The following ACSL4 variants were observed in gnomAD, a reference collection of about 807,000 sequenced individuals.
ACSL4 encodes the protein acyl-CoA synthetase long chain family member 4.
A neutral mutation model predicts 49.1 loss-of-function variants in ACSL4; 9 were observed. The observed-to-expected ratio is 0.18, with a 90% CI of 0.11 to 0.32. ACSL4 has a LOEUF of 0.32. Ranked by LOEUF, ACSL4 falls within the 10% of genes least tolerant of loss-of-function variation. ACSL4 has a pLI of 1.00. For missense variants in ACSL4, 333 were observed against 493.7 expected (o/e 0.67, Z 3.08); for synonymous variants, 191 against 170.3 (o/e 1.12, Z -0.95).
chrX:109,657,356 ATCCC>A (rs1921753800), intron 15 of ACSL4, among the ~76,000 whole-genome samples: 1 of 109,803 alleles, frequency 9.1e-6, no homozygotes, highest in South Asian at 3.9e-4. Flanking sequence ...TCCTAATGCT[ATCCC>A]TCCCCCGTCC....
intron 15 of ACSL4, among the ~76,000 whole-genome samples, chrX:109,645,664 T>C (rs1215520206): frequency 8.9e-6 from 1 of 112,472 alleles, no homozygotes; most frequent in Non-Finnish European, 1.9e-5. Flanking sequence ...GGAACAAAGC[T>C]GGACGGAGAA....
intron 9 of ACSL4, among the ~76,000 whole-genome samples, chrX:109,672,938 T>C (rs1923386497): frequency 9.0e-6 from 1 of 110,741 alleles, no homozygotes; most frequent in Non-Finnish European, 1.9e-5. Context: ...CTTTCTGCCC[T>C]CTGATCTCTC....
intron 1 of ACSL4, among the ~76,000 whole-genome samples, chrX:109,725,505 A>G (rs1927906987): frequency 9.0e-6 from 1 of 111,401 alleles, no homozygotes; most frequent in Non-Finnish European, 1.9e-5. Context: ...GCTCACACCT[A>G]TAACCCCAGC....
chrX:109,665,312 C>G lies in ACSL4; in HGVS notation c.1390+108G>C, dbSNP rs183331658. ...TGCATGGGGACAGGCAACAGCAAAA[C>G]AGCAGAGAATTATTTGCTTCCCCAG... On this transcript the variant is annotated intron_variant, in intron 12 of 15. Coordinates refer to ENST00000672401, the MANE Select transcript of ACSL4 (RefSeq NM_001318510.2). 1.3e-4 allele frequency: 94 copies of G among 706,513 alleles called. No individual in the cohort carries two copies. The African/African-American group carries it at 1.6e-3, about 12-fold the overall frequency. 58.2% of individuals were successfully genotyped at this position (706,513 alleles called of 1,213,427 possible). A position where few individuals can be genotyped will look rare whatever the true frequency, so the allele number is the denominator to read the frequency against.
chrX:109,721,346 C>T (rs1005823608), intron 1 of ACSL4, among the ~76,000 whole-genome samples: 4 of 112,073 alleles, frequency 3.6e-5, no homozygotes, highest in African/African-American at 1.3e-4. Context: ...TTCAGGTATT[C>T]CCCAGGAGAG....
rs1467540199 is a variant in ACSL4 at position 109,641,821 on chromosome X, A to C, written c.*2208T>G. Reference sequence around the variant, plus strand: ...ACTTAGAAATGTACATATTGTAGTAAATTTTTAAAGTACAACTTTAGTTGA... The same window carrying C: ...ACTTAGAAATGTACATATTGTAGTACATTTTTAAAGTACAACTTTAGTTGA... On this transcript the variant is annotated 3_prime_UTR_variant, in exon 16 of 16. Transcript: ENST00000672401. The C allele has an allele frequency of 7.1e-5, 8 of 112,872 alleles. No homozygotes were observed. The highest frequency in any genetic ancestry group is 2.3e-4 in the African/African-American group (7 of 31,084). 9.3% of individuals were successfully genotyped at this position (112,872 alleles called of 1,213,427 possible). A position where few individuals can be genotyped will look rare whatever the true frequency, so the allele number is the denominator to read the frequency against.
intron 1 of ACSL4, among the ~76,000 whole-genome samples, chrX:109,732,656 G>C (rs1165389256): frequency 2.7e-5 from 3 of 111,629 alleles, no homozygotes; most frequent in Admixed American, 1.9e-4. Flanking sequence ...CCTCAAATTC[G>C]AGAGGGCGGA....
chrX:109,646,832 C>T (rs1934733711), intron 15 of ACSL4, among the ~76,000 whole-genome samples: 3 of 110,138 alleles, frequency 2.7e-5, no homozygotes, highest in Admixed American at 9.7e-5. Flanking sequence ...GGAAGATCTA[C>T]CAAGCAAATG....
intron 2 of ACSL4, among the ~76,000 whole-genome samples, chrX:109,692,982 C>CA (rs1364030023): frequency 2.1e-4 from 23 of 111,084 alleles, no homozygotes; most frequent in African/African-American, 7.5e-4. Flanking sequence ...GTGTAGGTTC[C>CA]AAAAAAGTCT....
intron 1 of ACSL4, among the ~76,000 whole-genome samples, chrX:109,713,683 TA>T (rs1311918396): frequency 1.8e-5 from 2 of 111,674 alleles, no homozygotes; most frequent in African/African-American, 6.5e-5. Context: ...TCTCATTTGT[TA>T]GGGGGGAAAA....
chrX:109,719,787 A>G (rs959873752), intron 1 of ACSL4, among the ~76,000 whole-genome samples: 1 of 110,817 alleles, frequency 9.0e-6, no homozygotes, highest in Non-Finnish European at 1.9e-5. Context: ...GGAGTTCGGG[A>G]GTTCGAGACC....
Position 109,663,338 on chromosome X carries a change from G to A in ACSL4, c.1455C>T (p.Ile485=). 8.3e-7 allele frequency: 1 copy of A among 1,209,766 alleles called. No homozygotes were observed. The highest frequency in any genetic ancestry group is 1.1e-6 in the Non-Finnish European group (1 of 893,801). Reference sequence around the variant, plus strand: ...CTTCATTTTTAAAATATCCCATGGAGATGTTCTGTCCACCAATTACGATTT... The same window carrying A: ...CTTCATTTTTAAAATATCCCATGGAAATGTTCTGTCCACCAATTACGATTT... ...RGEIVIGGQN[I]SMGYFKNEEK... is the part of the protein sequence containing the mutation. Residue 485 remains isoleucine, a synonymous_variant, in exon 13 of 16, where the codon ATC becomes ATT. Coordinates refer to ENST00000672401, the MANE Select transcript of ACSL4 (RefSeq NM_001318510.2).
At chrX:109,708,028 TC>T (rs1926489330) in intron 1 of ACSL4, among the ~76,000 whole-genome samples, 1 of 111,676 alleles carries the variant, frequency 9.0e-6, no homozygotes, top group Non-Finnish European at 1.9e-5. Context: ...CACTGCAGCC[TC>T]GACCTCTTGG....
chrX:109,665,869 T>C (rs779673648), intron 11 of ACSL4, among the ~76,000 whole-genome samples: 1 of 111,813 alleles, frequency 8.9e-6, no homozygotes, highest in South Asian at 3.8e-4. Context: ...TTTCCTCATC[T>C]ATGAAATGGA....
intron 2 of ACSL4, among the ~76,000 whole-genome samples, chrX:109,694,340 C>T (rs1925262999): frequency 8.9e-6 from 1 of 112,294 alleles, no homozygotes; most frequent in Non-Finnish European, 1.9e-5. Context: ...ACCAGAAGTT[C>T]TAGAGAGACA....
intron 1 of ACSL4, among the ~76,000 whole-genome samples, chrX:109,699,428 T>C (rs1603408979): frequency 1.8e-5 from 2 of 112,486 alleles, no homozygotes; most frequent in East Asian, 5.5e-4. Context: ...CCAAGTCCTT[T>C]TCAAAACAAT....
chrX:109,674,419 G>T lies in ACSL4; in HGVS notation c.985C>A (p.Leu329Ile). The T allele has an allele frequency of 8.3e-7, 1 of 1,206,560 alleles. No individual in the cohort carries two copies. Among genetic ancestry groups the T allele is most frequent in the Non-Finnish European group, 1.1e-6 (1 of 890,617 alleles). The change falls in exon 9 of 16, where the codon CTT becomes ATT. Residue 329 changes from leucine to isoleucine, a missense_variant. Physicochemically the swap from Leu to Ile is conservative, Grantham distance 5 (BLOSUM62 2). This residue lies in a region of ACSL4 where 175 missense variants were observed against 275.8 expected (regional missense o/e 0.63). Transcript: ENST00000672401. ...GTACTCACCGGAACAGCAGCCATAA[G>T]TGTGGGCTTCAGTACAGTACAGTCT... ...KGDCTVLKPT[L>I]MAAVPEIMDR...
chrX:109,719,938 A>G (rs1049525874), intron 1 of ACSL4, among the ~76,000 whole-genome samples: 2 of 110,989 alleles, frequency 1.8e-5, no homozygotes, highest in African/African-American at 6.6e-5. Flanking sequence ...GGTTGAGATG[A>G]GCTGAGATCG....
chrX:109,643,625 G>A lies in ACSL4; in HGVS notation c.*404C>T. 3 of 147,447 alleles carry A rather than the reference G, an allele frequency of 2.0e-5. No homozygotes were observed. The highest frequency in any genetic ancestry group is 4.0e-5 in the Non-Finnish European group (3 of 74,374). The allele number at this position is 147,447 out of a possible 1,213,427, so 12.2% of individuals were successfully genotyped here. ...AGTGTTAATACATATTTTCTGTCAT[G>A]CTTAATATTTAAACTTCTGAAATAG... On this transcript the variant is annotated 3_prime_UTR_variant, in exon 16 of 16. Coordinates refer to ENST00000672401, the MANE Select transcript of ACSL4 (RefSeq NM_001318510.2).
Sources: allele counts gnomAD v4.1 joint callset (sites outside exome capture counted in the v4.1 genomes callset), GRCh38; gene constraint gnomAD v4.1.1; regional missense constraint gnomAD v4.1.1; transcripts MANE v1.5; gene names NCBI Gene and HGNC (gene_info 2026-07-23, HGNC 2026-07-21).